Variants in AGO4 observed in about 807,000 individuals in gnomAD.
AGO4 encodes argonaute RISC component 4.
In AGO4, 33 loss-of-function variants were observed where a neutral mutation model predicts 104.7. The ratio of observed to expected loss-of-function variants is 0.32; its 90% CI spans 0.24 to 0.42. The LOEUF (loss-of-function observed/expected upper bound fraction) is 0.42. Ranked by LOEUF, AGO4 falls within the 10% of genes least tolerant of loss-of-function variation. The pLI, the probability that AGO4 is intolerant of heterozygous loss-of-function variation, is 1.00. For synonymous variants in AGO4, 331 were observed against 364.7 expected (o/e 0.91, Z 1.05); for missense variants, 711 against 1,083.4 (o/e 0.66, Z 4.83).
chr1:35,824,875 T>C (rs890180084), intron 3 of AGO4, among the ~76,000 whole-genome samples: 1 of 152,222 alleles, frequency 6.6e-6, no homozygotes, highest in African/African-American at 2.4e-5. Flanking sequence ...CCATCATCAC[T>C]ATCCATTTTC....
rs184888137 is a variant in AGO4, at chr1:35,832,590, C to A, written c.1379+20C>A. ...ACTAAAGTGAGTATCTTCATATTTT[C>A]AGCTTAGTAATATCCCTTCCAGATA... is the stretch of plus-strand genomic sequence containing the variant. On this transcript the variant is annotated intron_variant, in intron 11 of 17. Transcript: ENST00000373210. 3 of 1,611,412 alleles carry A rather than the reference C, an allele frequency of 1.9e-6. No individual in the cohort carries two copies. Among genetic ancestry groups the A allele is most frequent in the Non-Finnish European group, 2.5e-6 (3 of 1,179,040 alleles).
Position 35,841,029 on chromosome 1 carries a change from G to A in AGO4, c.1725-136G>A, listed in dbSNP as rs569037076. On this transcript the variant is annotated intron_variant, in intron 13 of 17. Coordinates refer to ENST00000373210, the MANE Select transcript of AGO4 (RefSeq NM_017629.4). The surrounding 1 kb of genome is among the most constrained non-coding windows in gnomAD (Gnocchi z 4.7). Reference sequence around the variant, plus strand: ...ACATCAATATTCAGTGGTCCGTAGTGTTCTTTCCCAATGGGCTTAAGTCTT... The same window carrying A: ...ACATCAATATTCAGTGGTCCGTAGTATTCTTTCCCAATGGGCTTAAGTCTT... The A allele has an allele frequency of 3.3e-6, 3 of 906,234 alleles. No individual in the cohort carries two copies. The East Asian group carries it at 7.9e-5, about 24-fold the overall frequency. The allele number at this position is 906,234 out of a possible 1,614,324, so 56.1% of individuals were successfully genotyped here.
intron 15 of AGO4, among the ~76,000 whole-genome samples, chr1:35,843,923 G>C (rs976220327): frequency 4.6e-5 from 7 of 152,090 alleles, no homozygotes; most frequent in Non-Finnish European, 1.0e-4. Context: ...GGTCTACTTT[G>C]TACCCTGACA....
intron 7 of AGO4, among the ~76,000 whole-genome samples, chr1:35,829,568 G>A (rs190991037): frequency 1.2e-4 from 19 of 152,256 alleles, no homozygotes; most frequent in African/African-American, 3.6e-4. Flanking sequence ...GGGCGTGGTG[G>A]CTCACGCCTC....
chr1:35,814,074 C>CA (rs1210490285), intron 1 of AGO4, among the ~76,000 whole-genome samples: 1,057 of 69,504 alleles, frequency 0.015, 11 homozygotes, highest in African/African-American at 0.048. Flanking sequence ...GACTCCATCT[C>CA]AAAAAAAAAA....
Position 35,832,547 on chromosome 1 carries a change from A to G in AGO4, c.1356A>G (p.Lys452=). The G allele has an allele frequency of 1.9e-6, 3 of 1,612,442 alleles. No individual in the cohort carries two copies. The highest frequency in any genetic ancestry group is 2.5e-6 in the Non-Finnish European group (3 of 1,179,514). ...VWAVACFAPQ[K]QCREDLLKSF... is the part of the protein sequence containing the mutation. ...CAGTTGCTTGTTTTGCACCTCAGAA[A>G]CAATGTAGGGAAGATTTACTAAAGT... The change falls in exon 11 of 18, where the codon AAA becomes AAG. Residue 452 remains lysine, a synonymous_variant. Coordinates refer to ENST00000373210, the MANE Select transcript of AGO4 (RefSeq NM_017629.4).
intron 17 of AGO4, among the ~76,000 whole-genome samples, chr1:35,852,637 G>A (rs889256991): frequency 2.2e-4 from 33 of 152,318 alleles, no homozygotes; most frequent in African/African-American, 7.2e-4. Flanking sequence ...GGATACAGTG[G>A]TGAGCAAGGT....
intron 15 of AGO4, among the ~76,000 whole-genome samples, chr1:35,845,840 C>T (rs1644559464): frequency 6.6e-6 from 1 of 152,210 alleles, no homozygotes; most frequent in African/African-American, 2.4e-5. Context: ...TCATATTACA[C>T]ATTCATTGTG....
chr1:35,826,895 T>C lies in AGO4; in HGVS notation c.848+60T>C, dbSNP rs1450584558. ...TTTTTAGTAACAGAGGGAGCTACTA[T>C]AATTGTTTTAAGAAATTGGTTATTG... is the stretch of plus-strand genomic sequence containing the variant. On this transcript the variant is annotated intron_variant, in intron 7 of 17. Coordinates refer to ENST00000373210, the MANE Select transcript of AGO4 (RefSeq NM_017629.4). 5 of 1,554,648 alleles carry C rather than the reference T, an allele frequency of 3.2e-6. No homozygotes were observed. The East Asian group carries it at 6.9e-5, about 21-fold the overall frequency.
chr1:35,813,436 A>G (rs966931189), intron 1 of AGO4, among the ~76,000 whole-genome samples: 2 of 150,820 alleles, frequency 1.3e-5, no homozygotes, highest in African/African-American at 4.9e-5. Flanking sequence ...TACTTTTAGT[A>G]TAAATTATGT....
intron 2 of AGO4, among the ~76,000 whole-genome samples, chr1:35,817,975 G>A (rs1016330675): frequency 1.3e-4 from 20 of 152,072 alleles, no homozygotes; most frequent in Non-Finnish European, 8.8e-5. Context: ...AACAAAACAG[G>A]CAAAAGTTTC....
Position 35,828,097 on chromosome 1 carries a change from T to G in AGO4, c.848+1262T>G, listed in dbSNP as rs1432341975. On this transcript the variant is annotated intron_variant, in intron 7 of 17. Coordinates refer to ENST00000373210, the MANE Select transcript of AGO4 (RefSeq NM_017629.4). ...CAAAAGGTCTATTAAGGCCTAGATATCATATAAGGCTGTCAGGAGAAGACA... is the reference window on the plus strand; with the variant it reads ...CAAAAGGTCTATTAAGGCCTAGATAGCATATAAGGCTGTCAGGAGAAGACA... 2.6e-5 allele frequency among the ~76,000 whole-genome samples: 4 copies of G among 152,192 alleles called. 1 individual carries two copies. Among genetic ancestry groups the G allele is most frequent in the Admixed American group, 2.6e-4 (4 of 15,266 alleles).
chr1:35,841,671 A>G lies in AGO4; in HGVS notation c.2096A>G (p.Asp699Gly), dbSNP rs145609935. ...IRKACISLEE[D>G]YRPGITYIVV... The stretch of plus-strand genomic sequence containing the variant: ...AAGGCATGTATTAGCTTGGAAGAAG[A>G]TTACCGGCCAGGAATAACTTATATT... The change falls in exon 15 of 18, where the codon GAT becomes GGT. Residue 699 changes from aspartate to glycine, a missense_variant. Physicochemically the swap from Asp to Gly is moderately conservative, Grantham distance 94. Transcript: ENST00000373210. This position sits in a 1 kb window ranked among gnomAD's most constrained non-coding sequence, Gnocchi z 4.7. 5 of 1,613,942 alleles carry G rather than the reference A, an allele frequency of 3.1e-6. No individual in the cohort carries two copies. The highest frequency in any genetic ancestry group is 4.2e-6 in the Non-Finnish European group (5 of 1,180,006).
chr1:35,817,622 C>A (rs891842457), intron 2 of AGO4, among the ~76,000 whole-genome samples: 5 of 152,092 alleles, frequency 3.3e-5, no homozygotes, highest in Non-Finnish European at 5.9e-5. Context: ...AGCCCTGTAG[C>A]AAATATTCTT....
chr1:35,823,108 C>T, intron 3 of AGO4, 126 bp downstream of exon 3: 1 of 1,143,694 alleles, frequency 8.7e-7, no homozygotes, highest in Non-Finnish European at 1.2e-6. Context: ...CCTAATTAAC[C>T]TGATTTCATT....
rs1164772884 is a variant in AGO4, at chr1:35,833,210, C to A, written c.1379+640C>A. On this transcript the variant is annotated intron_variant, in intron 11 of 17. Coordinates refer to ENST00000373210, the MANE Select transcript of AGO4 (RefSeq NM_017629.4). ...AGGAGAATCACTTGAATCCAGGAGG[C>A]AGAGGTTGCAGTGAGCCAAGATCTC... Among the ~76,000 whole-genome samples the A allele has an allele frequency of 1.3e-5, 2 of 152,000 alleles. 1 individual carries two copies. The highest frequency in any genetic ancestry group is 2.9e-5 in the Non-Finnish European group (2 of 68,014).
chr1:35,826,767 C>G lies in AGO4; in HGVS notation c.780C>G (p.Thr260=). The G allele has an allele frequency of 6.2e-7, 1 of 1,614,004 alleles. No individual in the cohort carries two copies. The highest frequency in any genetic ancestry group is 1.7e-5 in the Admixed American group (1 of 59,990). ...KEIRGLKVEV[T]HCGQMKRKYR... ...TTTCAGGTCTCAAAGTTGAGGTGAC[C>G]CACTGTGGACAGATGAAACGAAAAT... Residue 260 remains threonine (T), a synonymous_variant, in exon 7 of 18, where the codon ACC becomes ACG. Transcript: ENST00000373210.
chr1:35,820,921 GTATTAT>G (rs537909930), intron 2 of AGO4, among the ~76,000 whole-genome samples: 10 of 151,836 alleles, frequency 6.6e-5, no homozygotes, highest in African/African-American at 9.7e-5. Flanking sequence ...TTCAAGGGAA[GTATTAT>G]TATTATTATT....
At chr1:35,818,876 G>A (rs140264322) in intron 2 of AGO4, among the ~76,000 whole-genome samples, 80 of 152,236 alleles carry the variant, frequency 5.3e-4, no homozygotes, top group African/African-American at 1.8e-3. Context: ...AACCCACAAC[G>A]TGACTAAATA....
Sources: gnomAD v4.1 joint callset for allele counts (sites outside exome capture counted in the v4.1 genomes callset) on GRCh38, gnomAD v4.1.1 for gene constraint, Gnocchi (gnomAD v3.1) non-coding constraint, MANE v1.5 for transcripts, NCBI Gene and HGNC (gene_info 2026-07-23, HGNC 2026-07-21) for gene names.